GALNT10: variants seen among roughly 807,000 people sequenced by gnomAD.
GALNT10 encodes the protein GalNAc transferase 10.
Under a neutral mutation model 75.0 loss-of-function variants are expected in GALNT10, and 41 were observed. That is an observed-to-expected ratio of 0.55 (90% CI 0.43 to 0.71). The LOEUF (loss-of-function observed/expected upper bound fraction) is 0.71, where lower values mean the gene tolerates loss of function less well. Ranked by LOEUF, GALNT10 falls within the 30% of genes least tolerant of loss-of-function variation. The probability of loss-of-function intolerance (pLI) is 0.00; values close to 1 mark genes in which losing one functional copy is unlikely to be tolerated. For synonymous variants in GALNT10, 302 were observed against 313.0 expected, an observed-to-expected ratio of 0.96 and a Z score of 0.37; for missense variants, 727 against 818.5, an observed-to-expected ratio of 0.89 and a Z score of 1.36.
At chr5:154,272,851 T>TC in intron 1 of GALNT10, among the ~76,000 whole-genome samples, 1 of 151,694 alleles carries the variant, frequency 6.6e-6, no homozygotes, top group African/African-American at 2.4e-5. Context: ...ATATGTACTC[T>TC]TTTTTTACAG....
chr5:154,284,399 A>G (rs941764496), intron 1 of GALNT10, among the ~76,000 whole-genome samples: 14 of 152,252 alleles, frequency 9.2e-5, no homozygotes, highest in African/African-American at 2.7e-4. Context: ...TATTAGAGCA[A>G]GTACTTTATT....
chr5:154,194,793 G>A (rs1774910450), intron 1 of GALNT10, among the ~76,000 whole-genome samples: 1 of 152,218 alleles, frequency 6.6e-6, no homozygotes, highest in African/African-American at 2.4e-5. Context: ...CTTGGGCTCA[G>A]ACTGTTTCTC....
intron 1 of GALNT10, among the ~76,000 whole-genome samples, chr5:154,266,546 A>G (rs1279650192): frequency 6.7e-6 from 1 of 148,556 alleles, no homozygotes; most frequent in Non-Finnish European, 1.5e-5. Context: ...ATCTACAGTC[A>G]GGGAAAATAA....
chr5:154,244,543 T>G (rs910589843), intron 1 of GALNT10, among the ~76,000 whole-genome samples: 7 of 152,214 alleles, frequency 4.6e-5, no homozygotes, highest in African/African-American at 9.6e-5. Context: ...AAGCTGGGAC[T>G]GGTGAGATTG....
At chr5:154,367,044 G>A (rs375223896) in intron 4 of GALNT10, among the ~76,000 whole-genome samples, 8 of 152,074 alleles carry the variant, frequency 5.3e-5, no homozygotes, top group Non-Finnish European at 1.2e-4. Context: ...CATAAAATCA[G>A]TTTACAGGGT....
intron 1 of GALNT10, among the ~76,000 whole-genome samples, chr5:154,276,212 A>G (rs1455070942): frequency 6.6e-6 from 1 of 152,138 alleles, no homozygotes; most frequent in Non-Finnish European, 1.5e-5. Flanking sequence ...GGCTCTGGAG[A>G]AGAGTCCACT....
intron 1 of GALNT10, among the ~76,000 whole-genome samples, chr5:154,192,718 C>T (rs1378518562): frequency 1.3e-5 from 2 of 152,198 alleles, no homozygotes; most frequent in African/African-American, 2.4e-5. Context: ...GTGGAGGCTC[C>T]ATACTGGACA....
At chr5:154,388,320 C>T (rs1287951809) in intron 7 of GALNT10, 1 of 152,206 alleles carries the variant, frequency 6.6e-6, no homozygotes, top group East Asian at 1.9e-4. Flanking sequence ...AACACAAGCA[C>T]ATCCAGTCAG....
At chr5:154,381,000 C>G (rs1218418722) in intron 6 of GALNT10, among the ~76,000 whole-genome samples, 1 of 152,164 alleles carries the variant, frequency 6.6e-6, no homozygotes, top group Non-Finnish European at 1.5e-5. Flanking sequence ...TCCAATTTAA[C>G]CCCCTACAAC....
At chr5:154,385,351 T>C (rs1755793517) in intron 6 of GALNT10, among the ~76,000 whole-genome samples, 1 of 152,154 alleles carries the variant, frequency 6.6e-6, no homozygotes, top group South Asian at 2.1e-4. Flanking sequence ...CCTGTTCCCG[T>C]GGGTACTGCA....
At chr5:154,225,631 T>C (rs1339535345) in intron 1 of GALNT10, among the ~76,000 whole-genome samples, 1 of 146,744 alleles carries the variant, frequency 6.8e-6, no homozygotes, top group Non-Finnish European at 1.5e-5. Flanking sequence ...CTTGAATTCC[T>C]GAGCTCAAGC....
chr5:154,305,034 GC>G (rs1754410478), intron 3 of GALNT10, among the ~76,000 whole-genome samples: 1 of 152,198 alleles, frequency 6.6e-6, no homozygotes, highest in South Asian at 2.1e-4. Flanking sequence ...GGGTGCAGTG[GC>G]TTGCACCTGT....
intron 4 of GALNT10, among the ~76,000 whole-genome samples, chr5:154,371,598 A>G (rs966777814): frequency 1.6e-5 from 2 of 124,852 alleles, no homozygotes; most frequent in Admixed American, 1.6e-4. Flanking sequence ...GCACACACTC[A>G]GGGCAGCATG....
At chr5:154,205,627 G>T (rs1775094431) in intron 1 of GALNT10, among the ~76,000 whole-genome samples, 1 of 152,314 alleles carries the variant, frequency 6.6e-6, no homozygotes, top group South Asian at 2.1e-4. Context: ...AAATAGGTTT[G>T]TTGCAAATGT....
At chr5:154,280,207 G>T (rs1581953301) in intron 1 of GALNT10, among the ~76,000 whole-genome samples, 1 of 152,188 alleles carries the variant, frequency 6.6e-6, no homozygotes, top group African/African-American at 2.4e-5. Context: ...AGCTAAGATA[G>T]TTGACCTCAT....
chr5:154,377,978 G>A (rs557102049), intron 5 of GALNT10, among the ~76,000 whole-genome samples: 3 of 152,208 alleles, frequency 2.0e-5, no homozygotes, highest in Non-Finnish European at 4.4e-5. Flanking sequence ...AGCTGAGCTT[G>A]TAGTCTAAAT....
In GALNT10 at chr5:154,412,872, C is replaced by T. The variant is rs376855189; in HGVS notation, c.1387-17C>T. ...AAGGCACCTCAGTGGTCCACTTCTT[C>T]CCTCTTTCCCTTTCAGATCCGAAAT... On this transcript the variant is annotated splice_polypyrimidine_tract_variant and intron_variant, in intron 9 of 11. Transcript: ENST00000297107. The surrounding 1 kb of genome is among the most constrained non-coding windows in gnomAD (Gnocchi z 4.2). 4 of 1,578,386 alleles carry T rather than the reference C, an allele frequency of 2.5e-6. No individual in the cohort carries two copies. The African/African-American group carries it at 5.4e-5, about 21-fold the overall frequency.
At chr5:154,246,866 A>G (rs970317290) in intron 1 of GALNT10, among the ~76,000 whole-genome samples, 229 of 152,308 alleles carry the variant, frequency 1.5e-3, no homozygotes, top group Middle Eastern at 3.4e-3. Context: ...TTGGTGTTTT[A>G]GACATGAAGT....
At chr5:154,415,658 T>C in intron 10 of GALNT10, 125 bp from the exon 11 acceptor site, 1 of 945,394 alleles carries the variant, frequency 1.1e-6, no homozygotes, top group East Asian at 2.4e-5. Flanking sequence ...GCTAGGTGGT[T>C]AGAACAGGTT....
Sources: allele counts gnomAD v4.1 joint callset (sites outside exome capture counted in the v4.1 genomes callset), GRCh38; gene constraint gnomAD v4.1.1; non-coding constraint Gnocchi (gnomAD v3.1); transcripts MANE v1.5; gene names NCBI Gene and HGNC (gene_info 2026-07-23, HGNC 2026-07-21).